The following BCAM variants were observed in gnomAD, a reference collection of about 807,000 sequenced individuals.
The protein encoded by BCAM is basal cell adhesion molecule.
A neutral mutation model predicts 72.4 loss-of-function variants in BCAM; 61 were observed. That is an observed-to-expected ratio of 0.84 (90% CI 0.69 to 1.04). BCAM has a LOEUF of 1.04. Among genes scored for constraint, BCAM ranks in the 50% least tolerant of loss-of-function variants. BCAM has a pLI of 0.00. For synonymous variants in BCAM, 408 were observed against 384.2 expected (o/e 1.06, Z -0.73); for missense variants, 909 against 895.0 (o/e 1.02, Z -0.20).
chr19:44,813,151 G>T lies in BCAM; in HGVS notation c.505-99G>T, dbSNP rs936517. The T allele has an allele frequency of 0.01, 13,607 of 1,358,514 alleles. 1,108 individuals carry two copies. The East Asian group carries it at 0.21, about 21-fold the overall frequency. 84.2% of individuals were successfully genotyped at this position (1,358,514 alleles called of 1,614,324 possible). A position where few individuals can be genotyped will look rare whatever the true frequency, so the allele number is the denominator to read the frequency against. On this transcript the variant is annotated intron_variant, in intron 4 of 14. Coordinates refer to ENST00000270233, the MANE Select transcript of BCAM (RefSeq NM_005581.5). The surrounding 1 kb of genome is among the most constrained non-coding windows in gnomAD (Gnocchi z 4.2). ...GTCCTGGGAGAGTCGGGAGTTAGGA[G>T]CCCGGCTCATGAGTCTGAGTGGGGA...
rs917078477 is a variant in BCAM, at chr19:44,814,515, A to G, written c.922-89A>G. The G allele has an allele frequency of 1.2e-5, 18 of 1,526,922 alleles. No homozygotes were observed. The African/African-American group carries it at 1.9e-4, about 16-fold the overall frequency. The allele number at this position is 1,526,922 out of a possible 1,614,324, so 94.6% of individuals were successfully genotyped here. On this transcript the variant is annotated intron_variant, in intron 7 of 14. Coordinates refer to ENST00000270233, the MANE Select transcript of BCAM (RefSeq NM_005581.5). The surrounding 1 kb of genome is among the most constrained non-coding windows in gnomAD (Gnocchi z 4.6). Reference sequence around the variant, plus strand: ...CCCTGACCCCTGATTCTGGCTTAGCATGACACTAACCTGGTGGCTTCTGAC... The same window carrying G: ...CCCTGACCCCTGATTCTGGCTTAGCGTGACACTAACCTGGTGGCTTCTGAC...
At chr19:44,809,731 C>T (rs1329127510) in intron 1 of BCAM, among the ~76,000 whole-genome samples, 1 of 152,160 alleles carries the variant, frequency 6.6e-6, no homozygotes, top group Non-Finnish European at 1.5e-5. Context: ...AACCCGCCTC[C>T]CTCAGGAAAG....
rs866489052 is a variant in BCAM, at chr19:44,821,315, C to A, written c.*394C>A. The A allele has an allele frequency of 2.0e-5, 4 of 202,856 alleles. No homozygotes were observed. The highest frequency in any genetic ancestry group is 6.2e-5 in the Admixed American group (1 of 16,252). 12.6% of individuals were successfully genotyped at this position (202,856 alleles called of 1,614,324 possible). A position where few individuals can be genotyped will look rare whatever the true frequency, so the allele number is the denominator to read the frequency against. On this transcript the variant is annotated 3_prime_UTR_variant, in exon 15 of 15. Coordinates refer to ENST00000270233, the MANE Select transcript of BCAM (RefSeq NM_005581.5). ...AGAGTCTGACACTGGATTCCCCCCCCTCACCCCGCCCCTGGTCCCACTCCT... is the reference window on the plus strand; with the variant it reads ...AGAGTCTGACACTGGATTCCCCCCCATCACCCCGCCCCTGGTCCCACTCCT...
chr19:44,820,514 C>G lies in BCAM; in HGVS notation c.1764-191C>G, dbSNP rs1420819386. On this transcript the variant is annotated intron_variant, in intron 13 of 14. Coordinates refer to ENST00000270233, the MANE Select transcript of BCAM (RefSeq NM_005581.5). The stretch of plus-strand genomic sequence containing the variant: ...TCCAACCCCAATAGCATCTGCATCC[C>G]CATGCCCAACCCTAACCCCAGTGCC... 10 of 1,269,774 alleles carry G rather than the reference C, an allele frequency of 7.9e-6. No homozygotes were observed. In the South Asian group the frequency reaches 2.5e-4, roughly 32 times the overall value. The allele number at this position is 1,269,774 out of a possible 1,614,324, so 78.7% of individuals were successfully genotyped here.
intron 1 of BCAM, among the ~76,000 whole-genome samples, chr19:44,809,895 CAG>C (rs1177309088): frequency 2.6e-5 from 4 of 151,704 alleles, no homozygotes; most frequent in African/African-American, 9.7e-5. Flanking sequence ...GTGCTGGGGA[CAG>C]AGGGACAGAG....
intron 1 of BCAM, among the ~76,000 whole-genome samples, chr19:44,810,090 T>C (rs892854072): frequency 6.6e-6 from 1 of 151,764 alleles, no homozygotes; most frequent in Admixed American, 6.6e-5. Context: ...TCCCCAGGGG[T>C]AGGGCTGGGC....
upstream of BCAM, chr19:44,809,086 AGCT>A: frequency 7.5e-7 from 1 of 1,340,832 alleles, no homozygotes; most frequent in South Asian, 1.8e-5. Context: ...GCAGCGGCCG[AGCT>A]GCAGCCCGGG....
chr19:44,818,586 C>G lies in BCAM; in HGVS notation c.1143C>G (p.Val381=). 6.2e-7 allele frequency: 1 copy of G among 1,614,054 alleles called. No homozygotes were observed. The highest frequency in any genetic ancestry group is 8.5e-7 in the Non-Finnish European group (1 of 1,179,976). ...CCTTACCTCTAAACAGCAGTGCAGT[C>G]GTGAACTGCTCCGTGCACGGCCTGC... is the stretch of plus-strand genomic sequence containing the variant. The part of the protein sequence containing the change: ...VLSLPLNSSA[V]VNCSVHGLPT... The change falls in exon 9 of 15, where the codon GTC becomes GTG. Residue 381 remains valine, a synonymous_variant. Coordinates refer to ENST00000270233, the MANE Select transcript of BCAM (RefSeq NM_005581.5). This position sits in a 1 kb window ranked among gnomAD's most constrained non-coding sequence, Gnocchi z 4.6.
intron 14 of BCAM, 22 bp downstream of exon 14, chr19:44,820,844 CT>C (rs753361825): frequency 6.5e-7 from 1 of 1,527,170 alleles, no homozygotes; most frequent in South Asian, 1.2e-5. Flanking sequence ...CCTGGGCCCC[CT>C]GGTGAGAGGG....
chr19:44,820,769 A>G lies in BCAM; in HGVS notation c.1828A>G (p.Met610Val), dbSNP rs1968576083. The G allele has an allele frequency of 4.0e-6, 6 of 1,504,960 alleles. No homozygotes were observed. Among genetic ancestry groups the G allele is most frequent in the African/African-American group, 2.8e-5 (2 of 71,752 alleles). 93.2% of individuals were successfully genotyped at this position (1,504,960 alleles called of 1,614,324 possible). The change falls in exon 14 of 15, where the codon ATG (methionine) becomes GTG (valine). Residue 610 changes from methionine (M) to valine (V), a missense_variant. Coordinates refer to ENST00000270233, the MANE Select transcript of BCAM (RefSeq NM_005581.5). ...SEQPEQTGLL[M>V]GGASGGARGG... is the part of the protein sequence containing the mutation. The stretch of plus-strand genomic sequence containing the variant: ...GCAACCAGAGCAGACCGGCCTTCTC[A>G]TGGGAGGTGCCTCCGGAGGAGCCAG...
chr19:44,810,628 GGAGA>G (rs1456495098), intron 1 of BCAM, among the ~76,000 whole-genome samples: 1 of 152,202 alleles, frequency 6.6e-6, no homozygotes, highest in African/African-American at 2.4e-5. Flanking sequence ...AGACCAGGAT[GGAGA>G]GAAACATTTA....
At chr19:44,811,828 T>A in intron 2 of BCAM, 1 of 394,650 alleles carries the variant, frequency 2.5e-6, no homozygotes, top group Non-Finnish European at 4.6e-6. Context: ...GAGGTTGCAG[T>A]GAGCCGAGAT....
At chr19:44,816,489 A>C (rs1968505063) in intron 8 of BCAM, among the ~76,000 whole-genome samples, 1 of 152,184 alleles carries the variant, frequency 6.6e-6, no homozygotes, top group Non-Finnish European at 1.5e-5. Flanking sequence ...CAGCTGAGGC[A>C]GCTCCCAGAG....
In BCAM at chr19:44,812,459, G is replaced by C. The variant is rs370823562; in HGVS notation, c.434-19G>C. On this transcript the variant is annotated intron_variant, in intron 3 of 14. Transcript: ENST00000270233. The surrounding 1 kb of genome is among the most constrained non-coding windows in gnomAD (Gnocchi z 5.3). The stretch of plus-strand genomic sequence containing the variant: ...GGGGCGCAGGGCAGGGGCTCCTGAC[G>C]TGAACGTCTTTTTCACAGCAAAGCC... 8 of 1,614,230 alleles carry C rather than the reference G, an allele frequency of 5.0e-6. No individual in the cohort carries two copies. The highest frequency in any genetic ancestry group is 4.4e-5 in the South Asian group (4 of 91,086).
chr19:44,812,872 C>T lies in BCAM; in HGVS notation c.504+324C>T. The T allele has an allele frequency of 2.3e-6, 1 of 432,880 alleles. No homozygotes were observed. The highest frequency in any genetic ancestry group is 4.6e-5 in the East Asian group (1 of 21,654). 26.8% of individuals were successfully genotyped at this position (432,880 alleles called of 1,614,324 possible). On this transcript the variant is annotated intron_variant, in intron 4 of 14. Coordinates refer to ENST00000270233, the MANE Select transcript of BCAM (RefSeq NM_005581.5). This position sits in a 1 kb window ranked among gnomAD's most constrained non-coding sequence, Gnocchi z 5.3. ...GGCTGAGACAGGAGAATCACTCGAA[C>T]CCAGAAGGCAGAGGCTACAGTGAGC...
chr19:44,820,604 C>A, intron 13 of BCAM, 101 bp from the exon 14 acceptor site: 1 of 1,247,204 alleles, frequency 8.0e-7, no homozygotes, highest in Non-Finnish European at 1.0e-6. Context: ...TCACCTCCAT[C>A]CCCAGCCGCA....
In BCAM at chr19:44,820,293, C is replaced by T. The variant is rs186656265; in HGVS notation, c.1764-412C>T. ...GCCATTTCCCAACCCTAGTCCTCCA[C>T]CGTCCCGAAGCCAACTTCACCCATG... On this transcript the variant is annotated intron_variant, in intron 13 of 14. Coordinates refer to ENST00000270233, the MANE Select transcript of BCAM (RefSeq NM_005581.5). The T allele has an allele frequency of 7.8e-6, 8 of 1,020,434 alleles. No individual in the cohort carries two copies. In the East Asian group the frequency reaches 2.8e-4, roughly 35 times the overall value. 63.2% of individuals were successfully genotyped at this position (1,020,434 alleles called of 1,614,324 possible).
Position 44,814,450 on chromosome 19 carries a change from TGA to T in BCAM, c.922-148_922-147del, listed in dbSNP as rs925897396. On this transcript the variant is annotated intron_variant, in intron 7 of 14. Transcript: ENST00000270233. The surrounding 1 kb of genome is among the most constrained non-coding windows in gnomAD (Gnocchi z 4.6). Reference sequence around the variant, plus strand: ...CTAAAAGGACCTCTGACCCCTGATTTGAGAGAGTCAGGACTTAGCATGCCACC... The same window carrying T: ...CTAAAAGGACCTCTGACCCCTGATTTGAGAGTCAGGACTTAGCATGCCACC... Among the ~76,000 whole-genome samples, 1 of 152,102 alleles carries T rather than the reference TGA, an allele frequency of 6.6e-6. No individual in the cohort carries two copies. The highest frequency in any genetic ancestry group is 1.5e-5 in the Non-Finnish European group (1 of 68,018).
rs1968486030 is a variant in BCAM, at chr19:44,815,000, C to A, written c.1078+240C>A. Among the ~76,000 whole-genome samples the A allele has an allele frequency of 6.6e-6, 1 of 150,986 alleles. No individual in the cohort carries two copies. The highest frequency in any genetic ancestry group is 2.4e-5 in the African/African-American group (1 of 41,048). On this transcript the variant is annotated intron_variant, in intron 8 of 14. Transcript: ENST00000270233. This position sits in a 1 kb window ranked among gnomAD's most constrained non-coding sequence, Gnocchi z 4.6. Reference sequence around the variant, plus strand: ...TCATGCGATCCTCCTGCCTTGCTCTCCCAAAGTGCTGGGATTACAGGAGTG... The same window carrying A: ...TCATGCGATCCTCCTGCCTTGCTCTACCAAAGTGCTGGGATTACAGGAGTG...
Sources: gnomAD v4.1 joint callset for allele counts (sites outside exome capture counted in the v4.1 genomes callset) on GRCh38, gnomAD v4.1.1 for gene constraint, Gnocchi (gnomAD v3.1) non-coding constraint, MANE v1.5 for transcripts, NCBI Gene and HGNC (gene_info 2026-07-23, HGNC 2026-07-21) for gene names.